Variants in TMOD1 observed in about 807,000 individuals in gnomAD.
The protein encoded by TMOD1 is tropomodulin-1.
In TMOD1, 17 loss-of-function variants were observed where a neutral mutation model predicts 40.6. The observed-to-expected ratio is 0.42, with a 90% CI of 0.29 to 0.63. The LOEUF (loss-of-function observed/expected upper bound fraction) is 0.63, where lower values mean the gene tolerates loss of function less well. Among genes scored for constraint, TMOD1 ranks in the 20% least tolerant of loss-of-function variants. The probability of loss-of-function intolerance (pLI) is 0.22; values close to 1 mark genes in which losing one functional copy is unlikely to be tolerated. For missense variants in TMOD1, 391 were observed against 447.6 expected (o/e 0.87, Z 1.14); for synonymous variants, 181 against 175.0 (o/e 1.03, Z -0.27).
intron 9 of TMOD1, among the ~76,000 whole-genome samples, chr9:97,599,275 C>G (rs1222015431): frequency 6.6e-6 from 1 of 152,166 alleles, no homozygotes; most frequent in Admixed American, 6.5e-5. Context: ...GGTTAAGACC[C>G]TAATCTCATT....
intron 3 of TMOD1, among the ~76,000 whole-genome samples, chr9:97,552,242 C>G (rs1383640713): frequency 6.6e-6 from 1 of 152,132 alleles, no homozygotes; most frequent in African/African-American, 2.4e-5. Flanking sequence ...AAGTGGGCAC[C>G]CTTGTCTTGT....
intron 8 of TMOD1, among the ~76,000 whole-genome samples, chr9:97,583,002 T>G (rs1381531432): frequency 6.6e-6 from 1 of 151,000 alleles, no homozygotes; most frequent in African/African-American, 2.5e-5. Context: ...TTCCTTCTCC[T>G]GTCTAATTGC....
intron 8 of TMOD1, among the ~76,000 whole-genome samples, chr9:97,577,115 C>G (rs148928211): frequency 1.2e-3 from 182 of 149,242 alleles, no homozygotes; most frequent in African/African-American, 4.6e-3. Flanking sequence ...GAGTTCTTTC[C>G]CAACCATCCT....
chr9:97,577,732 T>C (rs1825642547), intron 8 of TMOD1, among the ~76,000 whole-genome samples: 1 of 152,108 alleles, frequency 6.6e-6, no homozygotes, highest in South Asian at 2.1e-4. Context: ...GATCGTGCTA[T>C]GCACTCCAGT....
intron 8 of TMOD1, among the ~76,000 whole-genome samples, chr9:97,589,903 A>G (rs1825965899): frequency 6.6e-6 from 1 of 152,034 alleles, no homozygotes; most frequent in Admixed American, 6.5e-5. Context: ...TAGAAAATCC[A>G]AACAATACAA....
At chr9:97,569,287 C>T (rs1563993944) in intron 8 of TMOD1, among the ~76,000 whole-genome samples, 2 of 152,216 alleles carry the variant, frequency 1.3e-5, no homozygotes, top group Non-Finnish European at 2.9e-5. Flanking sequence ...TCCTTACCAA[C>T]ATCATCACTT....
intron 1 of TMOD1, chr9:97,512,697 A>T (rs1829723209): frequency 6.6e-6 from 1 of 150,650 alleles, no homozygotes; most frequent in African/African-American, 2.4e-5. Flanking sequence ...ATGTTTCCAT[A>T]CAATGTTCAA....
chr9:97,585,989 C>G (rs1047260168), intron 8 of TMOD1, among the ~76,000 whole-genome samples: 47 of 151,232 alleles, frequency 3.1e-4, no homozygotes, highest in African/African-American at 1.1e-3. Context: ...TCGTCTGAAG[C>G]CTTCTTCTCT....
chr9:97,575,619 GT>G (rs1278956247), intron 8 of TMOD1, among the ~76,000 whole-genome samples: 5 of 152,158 alleles, frequency 3.3e-5, no homozygotes, highest in African/African-American at 1.2e-4. Context: ...TTTCTGTTGT[GT>G]TTTGAAGTAT....
intron 1 of TMOD1, among the ~76,000 whole-genome samples, chr9:97,507,860 C>A (rs1475929565): frequency 6.6e-6 from 1 of 152,088 alleles, no homozygotes; most frequent in East Asian, 1.9e-4. Context: ...GAACTATTTT[C>A]TTAACCCCAA....
intron 8 of TMOD1, among the ~76,000 whole-genome samples, chr9:97,579,828 G>A (rs569224062): frequency 1.3e-5 from 2 of 152,250 alleles, no homozygotes; most frequent in East Asian, 3.9e-4. Context: ...GTGTGGAATG[G>A]GGAGAGATCA....
intron 8 of TMOD1, among the ~76,000 whole-genome samples, chr9:97,581,118 A>G (rs1486131637): frequency 6.8e-6 from 1 of 146,996 alleles, no homozygotes; most frequent in African/African-American, 2.5e-5. Context: ...AGCATTAGGT[A>G]TATCTCCCGA....
chr9:97,538,375 G>A (rs866181460), intron 2 of TMOD1, among the ~76,000 whole-genome samples: 1 of 152,076 alleles, frequency 6.6e-6, no homozygotes, highest in South Asian at 2.1e-4. Flanking sequence ...GGGTAAGGAT[G>A]TTTGTGTGAC....
At chr9:97,577,541 A>C (rs988131250) in intron 8 of TMOD1, among the ~76,000 whole-genome samples, 1 of 152,190 alleles carries the variant, frequency 6.6e-6, no homozygotes, top group African/African-American at 2.4e-5. Context: ...GTAACCCAGC[A>C]CTTTGGGAGG....
Position 97,565,866 on chromosome 9 carries a change from C to A in TMOD1, c.637C>A (p.Leu213Ile), listed in dbSNP as rs763721211. 6.2e-7 allele frequency: 1 copy of A among 1,614,070 alleles called. No individual in the cohort carries two copies. The highest frequency in any genetic ancestry group is 8.5e-7 in the Non-Finnish European group (1 of 1,179,944). ...TGTGCAGAATATCCCCATCCCCACCCTCAAGGCATATGCAGAAGCCCTGAA... is the reference window on the plus strand; with the variant it reads ...TGTGCAGAATATCCCCATCCCCACCATCAAGGCATATGCAGAAGCCCTGAA... Reference protein sequence around the residue: ...NNIRNIPIPTLKAYAEALKEN... With the variant: ...NNIRNIPIPTIKAYAEALKEN... The change falls in exon 7 of 10, where the codon CTC (leucine) becomes ATC (isoleucine). Residue 213 changes from leucine to isoleucine, a missense_variant. Physicochemically the swap from Leu to Ile is conservative, Grantham distance 5. Coordinates refer to ENST00000259365, the MANE Select transcript of TMOD1 (RefSeq NM_003275.4).
At chr9:97,528,532 C>T (rs1444052790) in intron 2 of TMOD1, among the ~76,000 whole-genome samples, 1 of 152,212 alleles carries the variant, frequency 6.6e-6, no homozygotes, top group African/African-American at 2.4e-5. Flanking sequence ...AAGATCAGCT[C>T]TGTTACCTGA....
At chr9:97,521,157 G>A (rs986142995) in intron 1 of TMOD1, among the ~76,000 whole-genome samples, 6 of 152,198 alleles carry the variant, frequency 3.9e-5, no homozygotes, top group Non-Finnish European at 5.9e-5. Context: ...GGCAAAAAGC[G>A]TGTTTTCCAA....
chr9:97,545,973 G>A (rs529586250), intron 2 of TMOD1, among the ~76,000 whole-genome samples: 1 of 152,122 alleles, frequency 6.6e-6, no homozygotes, highest in Non-Finnish European at 1.5e-5. Flanking sequence ...TCTGCCCCTT[G>A]TCTGCCTTTG....
intron 2 of TMOD1, among the ~76,000 whole-genome samples, chr9:97,536,465 G>A (rs539373786): frequency 6.6e-6 from 1 of 152,044 alleles, no homozygotes; most frequent in East Asian, 1.9e-4. Flanking sequence ...CCTACCCCAG[G>A]ACAATTACTC....
Sources: gnomAD v4.1 joint callset for allele counts (sites outside exome capture counted in the v4.1 genomes callset) on GRCh38, gnomAD v4.1.1 for gene constraint, MANE v1.5 for transcripts, NCBI Gene and HGNC (gene_info 2026-07-23, HGNC 2026-07-21) for gene names.